PCDH11Y: variants seen among roughly 807,000 people sequenced by gnomAD.
The protein encoded by PCDH11Y is protocadherin-11 Y-linked.
For missense variants in PCDH11Y, 12 were observed against 224.8 expected, an observed-to-expected ratio of 0.05 and a Z score of 6.05; for synonymous variants, 9 against 83.6, an observed-to-expected ratio of 0.11 and a Z score of 4.87.
chrY:5,053,874 T>C (rs2052656343), upstream of PCDH11Y, among the ~76,000 whole-genome samples: 1 of 28,238 alleles, frequency 3.5e-5, no homozygotes, highest in Non-Finnish European at 8.3e-5. Context: ...ATGAGAACAC[T>C]TGGACACAGG....
At chrY:5,358,699 G>A in intron 2 of PCDH11Y, among the ~76,000 whole-genome samples, 1 of 32,251 alleles carries the variant, frequency 3.1e-5, no homozygotes, top group Non-Finnish European at 7.5e-5. Context: ...TTATGCCTAA[G>A]TCTAGGTTAG....
chrY:5,104,392 T>C (rs1374400558), downstream of PCDH11Y: 2 of 395,252 alleles, frequency 5.1e-6, no homozygotes, highest in South Asian at 3.0e-5. Context: ...GATGTAACTT[T>C]CTAGGAACAA....
intron 4 of PCDH11Y, among the ~76,000 whole-genome samples, chrY:5,630,027 C>G: frequency 3.0e-5 from 1 of 33,741 alleles, no homozygotes. Flanking sequence ...AATTACTGTG[C>G]ATAAAAGGTA....
At position 5,135,234 on chromosome Y, in the gene PCDH11Y, A is replaced by T. The variant is rs2052837797; in HGVS notation, c.3129+34527A>T. ...GGATTATGGGGTGAAGGAGGCTCCC[A>T]AATGAAATTGGTAGTGGTTTTGGCT... On this transcript the variant is annotated intron_variant, in intron 2 of 4. Coordinates refer to the PCDH11Y transcript ENST00000400457. Among the ~76,000 whole-genome samples the T allele has an allele frequency of 4.3e-4, 14 of 32,938 alleles. No homozygotes were observed. The South Asian group carries it at 9.7e-3, about 23-fold the overall frequency. 88.4% of individuals were successfully genotyped at this position (32,938 alleles called of 37,273 possible). A position where few individuals can be genotyped will look rare whatever the true frequency, so the allele number is the denominator to read the frequency against.
chrY:5,110,158 G>A, downstream of PCDH11Y, among the ~76,000 whole-genome samples: 2 of 33,800 alleles, frequency 5.9e-5, no homozygotes, highest in Non-Finnish European at 1.5e-4. Context: ...GTGGCCAGGC[G>A]CAGTAACTCT....
intron 4 of PCDH11Y, among the ~76,000 whole-genome samples, chrY:5,701,092 A>C: frequency 3.7e-5 from 1 of 27,137 alleles, no homozygotes; most frequent in Non-Finnish European, 8.6e-5. Flanking sequence ...ATTTCTAAGC[A>C]GCAAAGCATT....
At chrY:5,046,654 C>T (rs1602849105) in intron 3 of PCDH11Y, among the ~76,000 whole-genome samples, 3 of 32,922 alleles carry the variant, frequency 9.1e-5, no homozygotes, top group South Asian at 6.7e-4. Flanking sequence ...TTGGAGCTTC[C>T]GGGCTGCTTT....
chrY:5,723,637 C>T (rs2053596593), intron 4 of PCDH11Y, among the ~76,000 whole-genome samples: 1 of 32,995 alleles, frequency 3.0e-5, no homozygotes, highest in African/African-American at 1.2e-4. Flanking sequence ...AGAAAAATGA[C>T]GGATATCAGT....
chrY:5,041,079 CCTTT>C (rs2052607351), intron 3 of PCDH11Y, among the ~76,000 whole-genome samples: 28 of 22,633 alleles, frequency 1.2e-3, no homozygotes, highest in South Asian at 5.0e-3. Context: ...TTTTTTTTTT[CCTTT>C]CTTTTTTTCA....
intron 2 of PCDH11Y, among the ~76,000 whole-genome samples, chrY:5,186,621 C>G: frequency 3.2e-5 from 1 of 31,266 alleles, no homozygotes; most frequent in Non-Finnish European, 7.7e-5. Flanking sequence ...AGGAAGGTAA[C>G]CACCCCCATT....
chrY:5,041,935 T>G (rs2124623543), intron 3 of PCDH11Y, among the ~76,000 whole-genome samples: 3 of 33,053 alleles, frequency 9.1e-5, no homozygotes, highest in Admixed American at 5.5e-4. Context: ...TCATGTCCTT[T>G]GCCCACTTTT....
intron 3 of PCDH11Y, among the ~76,000 whole-genome samples, chrY:5,509,081 C>T (rs2053361616): frequency 3.1e-5 from 1 of 32,400 alleles, no homozygotes; most frequent in Non-Finnish European, 7.5e-5. Flanking sequence ...TGAAGTGTAT[C>T]GTTTATCGTG....
intron 4 of PCDH11Y, among the ~76,000 whole-genome samples, chrY:5,620,944 T>C (rs2053498842): frequency 3.0e-5 from 1 of 33,218 alleles, no homozygotes; most frequent in African/African-American, 1.2e-4. Context: ...AATATCATAC[T>C]GAATGAGCAA....
At chrY:5,192,492 A>G in intron 2 of PCDH11Y, among the ~76,000 whole-genome samples, 1 of 33,604 alleles carries the variant, frequency 3.0e-5, no homozygotes, top group Non-Finnish European at 7.4e-5. Context: ...AAATCTCTCA[A>G]AATAATACTG....
chrY:5,494,230 C>T (rs2053341670), intron 2 of PCDH11Y, among the ~76,000 whole-genome samples: 2 of 33,130 alleles, frequency 6.0e-5, no homozygotes, highest in African/African-American at 2.4e-4. Flanking sequence ...AGTTTCAAAG[C>T]GTATTAAGTT....
At chrY:5,106,654 T>G (rs2052792323), downstream of PCDH11Y, among the ~76,000 whole-genome samples, 1 of 29,677 alleles carries the variant, frequency 3.4e-5, no homozygotes, top group Admixed American at 3.3e-4. Context: ...TATTACATAC[T>G]CTTAAACAAC....
In PCDH11Y at chrY:5,346,540, C is replaced by T. The variant is rs2124669807; in HGVS notation, c.3130-154517C>T. Among the ~76,000 whole-genome samples the T allele has an allele frequency of 1.2e-4, 4 of 32,538 alleles. No homozygotes were observed. In the South Asian group the frequency reaches 2.8e-3, roughly 23 times the overall value. 87.3% of individuals were successfully genotyped at this position (32,538 alleles called of 37,273 possible). On this transcript the variant is annotated intron_variant, in intron 2 of 4. Coordinates refer to the PCDH11Y transcript ENST00000400457. Reference sequence around the variant, plus strand: ...TGAAACGGAGTCTCACTCTTGTTGCCGAGGCTGGAGAGCAGTGGCACGATC... The same window carrying T: ...TGAAACGGAGTCTCACTCTTGTTGCTGAGGCTGGAGAGCAGTGGCACGATC...
intron 2 of PCDH11Y, among the ~76,000 whole-genome samples, chrY:5,398,018 GGGTCCTAGATAGGCTCCAA>G (rs2053229191): frequency 3.0e-5 from 1 of 33,335 alleles, no homozygotes; most frequent in East Asian, 7.8e-4. Context: ...CATTTATATG[GGGTCCTAGATAGGCTCCAA>G]GGAAACCAAA....
At chrY:5,151,585 A>T (rs2052864352) in intron 2 of PCDH11Y, among the ~76,000 whole-genome samples, 1 of 32,430 alleles carries the variant, frequency 3.1e-5, no homozygotes, top group Non-Finnish European at 7.6e-5. Context: ...CCTGGAAATT[A>T]AGCTTCATGG....
Sources: allele counts gnomAD v4.1 joint callset (sites outside exome capture counted in the v4.1 genomes callset), GRCh38; gene constraint gnomAD v4.1.1; transcripts MANE v1.5; gene names NCBI Gene and HGNC (gene_info 2026-07-23, HGNC 2026-07-21).